KIAA1217: variants seen among roughly 807,000 people sequenced by gnomAD.
KIAA1217 encodes the protein KIAA1217, also known as sickle tail protein homolog.
Under a neutral mutation model 163.9 loss-of-function variants are expected in KIAA1217, and 88 were observed. The ratio of observed to expected loss-of-function variants is 0.54; its 90% CI spans 0.45 to 0.64. KIAA1217 has a LOEUF of 0.64. Ranked by LOEUF, KIAA1217 falls within the 30% of genes least tolerant of loss-of-function variation. The probability of loss-of-function intolerance (pLI) is 0.00; values close to 1 mark genes in which losing one functional copy is unlikely to be tolerated. For synonymous variants in KIAA1217, 903 were observed against 923.1 expected (o/e 0.98, Z 0.39); for missense variants, 2,372 against 2,475.0 (o/e 0.96, Z 0.88).
rs140149929 is a variant in KIAA1217 at position 23,794,311 on chromosome 10, C to T, written c.-321+99077C>T. Among the ~76,000 whole-genome samples, 5 of 152,236 alleles carry T rather than the reference C, an allele frequency of 3.3e-5. No homozygotes were observed. The East Asian group carries it at 9.6e-4, about 29-fold the overall frequency. ...AACACTTATGAAATGGACATCAGGGCAGGGGGTAAAAATCTTTCATATAAT... is the reference window on the plus strand; with the variant it reads ...AACACTTATGAAATGGACATCAGGGTAGGGGGTAAAAATCTTTCATATAAT... On this transcript the variant is annotated intron_variant, in intron 1 of 18. Transcript: ENST00000376462.
chr10:23,819,183 C>A (rs1374426102), intron 1 of KIAA1217, among the ~76,000 whole-genome samples: 3 of 152,138 alleles, frequency 2.0e-5, no homozygotes, highest in Non-Finnish European at 4.4e-5. Context: ...AGCAGAATCT[C>A]TATTTTAGCA....
intron 2 of KIAA1217, among the ~76,000 whole-genome samples, chr10:24,078,565 A>G (rs572766032): frequency 1.3e-5 from 2 of 152,166 alleles, no homozygotes; most frequent in South Asian, 4.1e-4. Flanking sequence ...TAATCTTGGC[A>G]TTCTCTCCAA....
chr10:24,404,061 G>T (rs992851264), intron 3 of KIAA1217, among the ~76,000 whole-genome samples: 1 of 152,164 alleles, frequency 6.6e-6, no homozygotes, highest in African/African-American at 2.4e-5. Context: ...AGGCTCAGGT[G>T]ATCCTCCCAC....
At chr10:23,740,230 A>G (rs2130808338) in intron 1 of KIAA1217, among the ~76,000 whole-genome samples, 1 of 152,172 alleles carries the variant, frequency 6.6e-6, no homozygotes, top group Non-Finnish European at 1.5e-5. Flanking sequence ...AGAGAAATAG[A>G]TATGTTGGCA....
intron 1 of KIAA1217, among the ~76,000 whole-genome samples, chr10:23,817,962 C>CATATATATAT (rs71397918): frequency 1.1e-4 from 6 of 54,254 alleles, no homozygotes; most frequent in Admixed American, 2.6e-4. Flanking sequence ...TGTGGTGGCA[C>CATATATATAT]ATATATATAT....
At chr10:23,966,265 T>A (rs749505990) in intron 1 of KIAA1217, among the ~76,000 whole-genome samples, 2 of 152,176 alleles carry the variant, frequency 1.3e-5, no homozygotes, top group Non-Finnish European at 2.9e-5. Context: ...TTGGAGAGGA[T>A]CTGCCAAGAG....
chr10:24,348,478 T>C (rs2048071038), intron 2 of KIAA1217, among the ~76,000 whole-genome samples: 1 of 152,140 alleles, frequency 6.6e-6, no homozygotes, highest in African/African-American at 2.4e-5. Context: ...GCAGATAAAT[T>C]CTAAATGAAA....
chr10:24,112,382 G>A (rs1017195066), intron 2 of KIAA1217, among the ~76,000 whole-genome samples: 3 of 152,126 alleles, frequency 2.0e-5, no homozygotes, highest in South Asian at 2.1e-4. Flanking sequence ...GTGCGAACAG[G>A]ATGGCTTTGT....
At chr10:24,013,330 T>A (rs1847326553) in intron 2 of KIAA1217, among the ~76,000 whole-genome samples, 1 of 151,796 alleles carries the variant, frequency 6.6e-6, no homozygotes, top group South Asian at 2.1e-4. Flanking sequence ...TCAAAATATA[T>A]ATATTGAATA....
intron 1 of KIAA1217, among the ~76,000 whole-genome samples, chr10:23,811,913 G>A (rs543466548): frequency 9.2e-5 from 14 of 152,158 alleles, no homozygotes; most frequent in African/African-American, 3.4e-4. Flanking sequence ...GAGGAATGGA[G>A]GATGAAAATA....
chr10:23,908,615 T>C (rs1023972307), intron 1 of KIAA1217, among the ~76,000 whole-genome samples: 1 of 152,116 alleles, frequency 6.6e-6, no homozygotes, highest in Non-Finnish European at 1.5e-5. Context: ...TCAGCTGAAC[T>C]CACAGTCCAG....
intron 1 of KIAA1217, among the ~76,000 whole-genome samples, chr10:23,831,328 C>G (rs1202555583): frequency 6.7e-6 from 1 of 149,782 alleles, no homozygotes; most frequent in Non-Finnish European, 1.5e-5. Context: ...AACAAACAAA[C>G]AAAAAGAGTA....
intron 4 of KIAA1217, among the ~76,000 whole-genome samples, chr10:24,436,037 T>C (rs1291495251): frequency 2.0e-5 from 3 of 151,936 alleles, no homozygotes; most frequent in Non-Finnish European, 2.9e-5. Flanking sequence ...ATTTTTGTAT[T>C]TTTAGTAGAG....
At chr10:24,102,778 CA>C (rs1448799333) in intron 2 of KIAA1217, among the ~76,000 whole-genome samples, 4 of 152,168 alleles carry the variant, frequency 2.6e-5, no homozygotes, top group African/African-American at 9.6e-5. Context: ...GAGGAAGGAG[CA>C]AAAGCAATAC....
intron 1 of KIAA1217, among the ~76,000 whole-genome samples, chr10:23,858,586 A>G (rs1031302070): frequency 6.6e-6 from 1 of 152,092 alleles, no homozygotes; most frequent in African/African-American, 2.4e-5. Flanking sequence ...AACAACTTGA[A>G]TCTGACTCTG....
intron 1 of KIAA1217, among the ~76,000 whole-genome samples, chr10:23,772,242 C>T (rs982342165): frequency 9.2e-5 from 14 of 152,164 alleles, no homozygotes; most frequent in African/African-American, 3.4e-4. Context: ...AAATACCCAA[C>T]GTCCTTGGTT....
intron 1 of KIAA1217, among the ~76,000 whole-genome samples, chr10:23,871,854 G>A (rs557272122): frequency 1.7e-4 from 26 of 152,104 alleles, no homozygotes; most frequent in Admixed American, 3.3e-4. Context: ...CATCACCAAC[G>A]TGTCATTTCA....
chr10:23,877,159 A>T (rs948121113), intron 1 of KIAA1217, among the ~76,000 whole-genome samples: 2 of 151,826 alleles, frequency 1.3e-5, no homozygotes, highest in Non-Finnish European at 2.9e-5. Context: ...TGCTTGTCCA[A>T]TTGTTCTTTT....
intron 3 of KIAA1217, among the ~76,000 whole-genome samples, chr10:24,418,514 A>C (rs1352754858): frequency 1.3e-5 from 2 of 152,250 alleles, no homozygotes; most frequent in Non-Finnish European, 2.9e-5. Flanking sequence ...TTACATAAAA[A>C]ATAGCACTTC....
Sources: gnomAD v4.1 joint callset for allele counts (sites outside exome capture counted in the v4.1 genomes callset) on GRCh38, gnomAD v4.1.1 for gene constraint, MANE v1.5 for transcripts, NCBI Gene and HGNC (gene_info 2026-07-23, HGNC 2026-07-21) for gene names.